EPHA3: variants seen among roughly 807,000 people sequenced by gnomAD.
EPHA3 encodes ephrin type-A receptor 3.
A neutral mutation model predicts 107.1 loss-of-function variants in EPHA3; 42 were observed. The observed-to-expected ratio is 0.39, with a 90% CI of 0.31 to 0.51. The LOEUF (loss-of-function observed/expected upper bound fraction) is 0.51. EPHA3 is among the 20% of genes least tolerant of loss of function. The pLI, the probability that EPHA3 is intolerant of heterozygous loss-of-function variation, is 0.78. For missense variants in EPHA3, 1,183 were observed against 1,211.2 expected, an observed-to-expected ratio of 0.98 and a Z score of 0.35; for synonymous variants, 461 against 424.8, an observed-to-expected ratio of 1.09 and a Z score of -1.05.
chr3:89,211,385 A>G (rs1704076684), intron 3 of EPHA3, among the ~76,000 whole-genome samples: 1 of 152,064 alleles, frequency 6.6e-6, no homozygotes, highest in South Asian at 2.1e-4. Flanking sequence ...TTAAGAACAC[A>G]CTAAAATTGT....
chr3:89,381,215 G>A (rs1320763410), intron 5 of EPHA3, among the ~76,000 whole-genome samples: 3 of 151,778 alleles, frequency 2.0e-5, no homozygotes, highest in Non-Finnish European at 2.9e-5. Flanking sequence ...CTCGTGATCC[G>A]CCTGCCTCGG....
intron 2 of EPHA3, among the ~76,000 whole-genome samples, chr3:89,172,366 G>A (rs1280444510): frequency 6.6e-6 from 1 of 152,138 alleles, no homozygotes; most frequent in East Asian, 1.9e-4. Flanking sequence ...TTTGGGATGG[G>A]GGAAAGACCA....
chr3:89,340,806 A>G (rs1287755472), intron 3 of EPHA3, 110 bp from the exon 4 acceptor site: 1 of 1,203,550 alleles, frequency 8.3e-7, no homozygotes, highest in East Asian at 3.0e-5. Context: ...TGGAGGAAAA[A>G]ACTTGATTTT....
At chr3:89,404,886 G>C (rs1709028944) in intron 7 of EPHA3, among the ~76,000 whole-genome samples, 1 of 152,106 alleles carries the variant, frequency 6.6e-6, no homozygotes. Context: ...AATTATTACA[G>C]TATGCAAAGT....
chr3:89,399,139 A>T (rs1282783672), intron 6 of EPHA3, among the ~76,000 whole-genome samples, 179 bp from the exon 7 acceptor site: 2 of 152,134 alleles, frequency 1.3e-5, no homozygotes, highest in Non-Finnish European at 2.9e-5. Context: ...AAAAAAAAAA[A>T]AATGCCTAAG....
At chr3:89,414,565 C>A (rs1180833553) in intron 10 of EPHA3, among the ~76,000 whole-genome samples, 1 of 151,562 alleles carries the variant, frequency 6.6e-6, no homozygotes, top group East Asian at 1.9e-4. Context: ...CACAAGAGTG[C>A]ACTTTTCTCC....
chr3:89,143,836 AT>A (rs545830251), intron 2 of EPHA3, among the ~76,000 whole-genome samples: 133 of 151,548 alleles, frequency 8.8e-4, no homozygotes, highest in African/African-American at 3.1e-3. Context: ...GTAGGAAGGA[AT>A]TTTTTTCTTT....
At chr3:89,235,680 C>T (rs973067317) in intron 3 of EPHA3, among the ~76,000 whole-genome samples, 2 of 151,746 alleles carry the variant, frequency 1.3e-5, no homozygotes, top group Admixed American at 1.3e-4. Flanking sequence ...ATCTATAAAC[C>T]TATTAAAACT....
At chr3:89,242,661 T>A (rs1236511114) in intron 3 of EPHA3, among the ~76,000 whole-genome samples, 1 of 152,050 alleles carries the variant, frequency 6.6e-6, no homozygotes. Flanking sequence ...ATGGTCTCGA[T>A]CTCCTGACCT....
intron 3 of EPHA3, among the ~76,000 whole-genome samples, chr3:89,233,738 G>A (rs928838309): frequency 2.6e-5 from 4 of 152,148 alleles, no homozygotes; most frequent in African/African-American, 9.7e-5. Context: ...GAGATAAATG[G>A]ATGCATTTTG....
chr3:89,296,198 C>A (rs562898051), intron 3 of EPHA3, among the ~76,000 whole-genome samples: 1 of 152,274 alleles, frequency 6.6e-6, no homozygotes, highest in South Asian at 2.1e-4. Flanking sequence ...TCCTGAATCA[C>A]AAATGTTTTT....
chr3:89,444,369 C>T (rs1271935434), intron 13 of EPHA3, among the ~76,000 whole-genome samples: 1 of 61,340 alleles, frequency 1.6e-5, no homozygotes, highest in Non-Finnish European at 3.0e-5. Context: ...TGAAATTTCA[C>T]CTGTAGTTTG....
intron 2 of EPHA3, among the ~76,000 whole-genome samples, chr3:89,194,949 C>T (rs1157329378): frequency 6.6e-6 from 1 of 152,060 alleles, no homozygotes; most frequent in Non-Finnish European, 1.5e-5. Flanking sequence ...AGTATTTCCA[C>T]TTCTCTCATC....
intron 3 of EPHA3, among the ~76,000 whole-genome samples, chr3:89,322,831 A>G (rs1367740746): frequency 6.6e-6 from 1 of 152,078 alleles, no homozygotes; most frequent in African/African-American, 2.4e-5. Flanking sequence ...GGCCTGGCAT[A>G]TACACCAAGA....
intron 3 of EPHA3, among the ~76,000 whole-genome samples, chr3:89,265,757 T>C (rs1413026143): frequency 2.0e-5 from 3 of 152,140 alleles, no homozygotes; most frequent in Admixed American, 6.6e-5. Flanking sequence ...GTGGACATTA[T>C]GAAATTTAGT....
intron 2 of EPHA3, among the ~76,000 whole-genome samples, chr3:89,128,009 A>G (rs1298464488): frequency 1.3e-5 from 2 of 152,120 alleles, no homozygotes; most frequent in Middle Eastern, 3.2e-3. Context: ...ATTGTGTAAT[A>G]AATTCCTGAG....
At chr3:89,259,806 A>G (rs969985756) in intron 3 of EPHA3, among the ~76,000 whole-genome samples, 1 of 152,164 alleles carries the variant, frequency 6.6e-6, no homozygotes, top group African/African-American at 2.4e-5. Flanking sequence ...GTTACTTTGT[A>G]TTATTTGACC....
chr3:89,209,123 T>C lies in EPHA3; in HGVS notation c.154-737T>C, dbSNP rs114671811. Among the ~76,000 whole-genome samples the C allele has an allele frequency of 9.1e-3, 1,386 of 152,324 alleles. 11 individuals carry two copies. Among genetic ancestry groups the C allele is most frequent in the Middle Eastern group, 0.02 (6 of 294 alleles). Reference sequence around the variant, plus strand: ...TACAGTGATAAAAGTTGTTCTAAGATAACCTTAACTGCTATAACAACAAAA... The same window carrying C: ...TACAGTGATAAAAGTTGTTCTAAGACAACCTTAACTGCTATAACAACAAAA... On this transcript the variant is annotated intron_variant, in intron 2 of 16. Coordinates refer to ENST00000336596, the MANE Select transcript of EPHA3 (RefSeq NM_005233.6).
intron 15 of EPHA3, among the ~76,000 whole-genome samples, chr3:89,459,357 CCTCT>C (rs1227550355): frequency 6.6e-6 from 1 of 151,966 alleles, no homozygotes; most frequent in Non-Finnish European, 1.5e-5. Flanking sequence ...AAGAAGCTCT[CCTCT>C]CTTTTTTTAT....
Sources: gnomAD v4.1 joint callset for allele counts (sites outside exome capture counted in the v4.1 genomes callset) on GRCh38, gnomAD v4.1.1 for gene constraint, MANE v1.5 for transcripts, NCBI Gene and HGNC (gene_info 2026-07-23, HGNC 2026-07-21) for gene names.